The following CGNL1 variants were observed in gnomAD, a reference collection of about 807,000 sequenced individuals.
CGNL1 encodes cingulin like 1, also known as cingulin-like protein 1.
A neutral mutation model predicts 141.2 loss-of-function variants in CGNL1; 132 were observed. The ratio of observed to expected loss-of-function variants is 0.93; its 90% CI spans 0.81 to 1.08. The LOEUF (loss-of-function observed/expected upper bound fraction) is 1.08. CGNL1 is among the 50% of genes least tolerant of loss of function. The pLI is 0.00. For synonymous variants in CGNL1, 690 were observed against 622.1 expected, an observed-to-expected ratio of 1.11 and a Z score of -1.63; for missense variants, 1,870 against 1,588.6, an observed-to-expected ratio of 1.18 and a Z score of -3.01.
Position 57,516,990 on chromosome 15 carries a change from A to T in CGNL1, c.2610+4A>T. 1 of 1,611,884 alleles carries T rather than the reference A, an allele frequency of 6.2e-7. No homozygotes were observed. The highest frequency in any genetic ancestry group is 8.5e-7 in the Non-Finnish European group (1 of 1,179,204). On this transcript the variant is annotated splice_donor_region_variant and intron_variant, in intron 9 of 18. Coordinates refer to ENST00000281282, the MANE Select transcript of CGNL1 (RefSeq NM_032866.5). ...GGAAACGCTGAAGAAGTACGAGGTG[A>T]GGCTCGCTGGGCCCAGGCCCAGCTT...
intron 4 of CGNL1, among the ~76,000 whole-genome samples, chr15:57,447,650 G>C (rs943385672): frequency 1.6e-4 from 24 of 152,124 alleles, no homozygotes; most frequent in African/African-American, 4.6e-4. Context: ...GACTTGATAG[G>C]TTCATCAGAT....
intron 1 of CGNL1, among the ~76,000 whole-genome samples, chr15:57,409,425 A>C (rs528542230): frequency 6.6e-6 from 1 of 152,370 alleles, no homozygotes; most frequent in African/African-American, 2.4e-5. Flanking sequence ...CAAATTTGAA[A>C]AGATGACGGT....
chr15:57,470,569 C>T lies in CGNL1; in HGVS notation c.2403+8677C>T, dbSNP rs548815412. On this transcript the variant is annotated intron_variant, in intron 8 of 18. Coordinates refer to ENST00000281282, the MANE Select transcript of CGNL1 (RefSeq NM_032866.5). The stretch of plus-strand genomic sequence containing the variant: ...CACTCCTGGTGTTTTACCTGAGCTG[C>T]CTAGAGTCACTTGCTGTGGGTTAGG... 1.5e-4 allele frequency among the ~76,000 whole-genome samples: 23 copies of T among 152,200 alleles called. No individual in the cohort carries two copies. The South Asian group carries it at 4.8e-3, about 32-fold the overall frequency.
intron 14 of CGNL1, among the ~76,000 whole-genome samples, chr15:57,541,446 T>G (rs1261448315): frequency 3.9e-5 from 6 of 152,340 alleles, no homozygotes; most frequent in Non-Finnish European, 8.8e-5. Flanking sequence ...CCCTTGCACT[T>G]TGTGCTGGGG....
intron 8 of CGNL1, among the ~76,000 whole-genome samples, chr15:57,493,774 G>T (rs1298903258): frequency 2.0e-5 from 3 of 152,198 alleles, no homozygotes; most frequent in Non-Finnish European, 4.4e-5. Context: ...CATATTCTCA[G>T]ATTCGATGCT....
chr15:57,500,485 A>G (rs1330515067), intron 8 of CGNL1, among the ~76,000 whole-genome samples: 1 of 152,240 alleles, frequency 6.6e-6, no homozygotes, highest in African/African-American at 2.4e-5. Context: ...GCTCATCTGG[A>G]AAATGAGAGG....
At chr15:57,413,890 G>C (rs776693775) in intron 1 of CGNL1, among the ~76,000 whole-genome samples, 2 of 152,158 alleles carry the variant, frequency 1.3e-5, no homozygotes, top group African/African-American at 2.4e-5. Flanking sequence ...GGAACATTCT[G>C]TGGCTCTTTC....
At chr15:57,387,793 A>G (rs543489404) in intron 1 of CGNL1, among the ~76,000 whole-genome samples, 1 of 152,216 alleles carries the variant, frequency 6.6e-6, no homozygotes, top group Non-Finnish European at 1.5e-5. Context: ...GGAGCTGTGG[A>G]GTGAGTGATC....
intron 1 of CGNL1, among the ~76,000 whole-genome samples, chr15:57,435,407 GT>G (rs1249529527): frequency 1.0e-5 from 1 of 96,864 alleles, no homozygotes; most frequent in African/African-American, 3.7e-5. Flanking sequence ...AAATTTGCAG[GT>G]TTTTTTGTTT....
At chr15:57,426,038 C>T (rs987788136) in intron 1 of CGNL1, among the ~76,000 whole-genome samples, 6 of 152,216 alleles carry the variant, frequency 3.9e-5, no homozygotes, top group East Asian at 1.9e-4. Context: ...CCCCCTCCCC[C>T]GCCACAATTC....
chr15:57,399,958 C>T (rs1331168206), intron 1 of CGNL1, among the ~76,000 whole-genome samples: 2 of 151,536 alleles, frequency 1.3e-5, no homozygotes, highest in African/African-American at 2.4e-5. Context: ...CTCCTTGTTC[C>T]TACCCTAAAT....
intron 14 of CGNL1, among the ~76,000 whole-genome samples, chr15:57,539,717 G>A (rs2032457974): frequency 6.6e-6 from 1 of 152,182 alleles, no homozygotes; most frequent in South Asian, 2.1e-4. Flanking sequence ...TGCCTTTTGG[G>A]ATAGATCCTG....
rs760789492 is a variant in CGNL1, at chr15:57,512,442, C to G, written c.2404-4338C>G. On this transcript the variant is annotated intron_variant, in intron 8 of 18. Transcript: ENST00000281282. ...TTTTGGGAAGATTTGCTAACATAGGCTCATGTTAAATTATTTGTAAGCATA... is the reference window on the plus strand; with the variant it reads ...TTTTGGGAAGATTTGCTAACATAGGGTCATGTTAAATTATTTGTAAGCATA... 3.9e-5 allele frequency among the ~76,000 whole-genome samples: 6 copies of G among 152,116 alleles called. No individual in the cohort carries two copies. In the East Asian group the frequency reaches 1.2e-3, roughly 29 times the overall value.
At chr15:57,468,228 C>CTTTTTTTTTTT (rs2063534240) in intron 8 of CGNL1, among the ~76,000 whole-genome samples, 2 of 64,820 alleles carry the variant, frequency 3.1e-5, no homozygotes, top group African/African-American at 1.0e-4. Context: ...CTTTTCTTTT[C>CTTTTTTTTTTT]TTTTTCTTTT....
intron 9 of CGNL1, among the ~76,000 whole-genome samples, 170 bp from the exon 10 acceptor site, chr15:57,518,223 G>T (rs536427956): frequency 6.6e-6 from 1 of 152,166 alleles, no homozygotes; most frequent in Non-Finnish European, 1.5e-5. Context: ...ATAAACACAC[G>T]CATCCAAGAA....
At chr15:57,528,411 A>G (rs1176603534) in intron 12 of CGNL1, among the ~76,000 whole-genome samples, 2 of 152,204 alleles carry the variant, frequency 1.3e-5, no homozygotes, top group Admixed American at 6.5e-5. Flanking sequence ...ATGCTGGTCA[A>G]TATCTACCAA....
At chr15:57,488,354 T>C (rs1338484174) in intron 8 of CGNL1, among the ~76,000 whole-genome samples, 3 of 152,220 alleles carry the variant, frequency 2.0e-5, no homozygotes, top group Admixed American at 2.0e-4. Flanking sequence ...GATTGTCTTT[T>C]CACTTTTTAA....
intron 8 of CGNL1, among the ~76,000 whole-genome samples, chr15:57,496,500 A>G (rs144723409): frequency 6.6e-6 from 1 of 152,188 alleles, no homozygotes; most frequent in Non-Finnish European, 1.5e-5. Context: ...TTAGTCCTGA[A>G]ACCATCCCTC....
At chr15:57,524,884 C>G in intron 12 of CGNL1, 133 bp downstream of exon 12, 1 of 902,492 alleles carries the variant, frequency 1.1e-6, no homozygotes, top group South Asian at 1.8e-5. Flanking sequence ...TCTTCACCTT[C>G]TGGATGGGTT....
Sources: gnomAD v4.1 joint callset for allele counts (sites outside exome capture counted in the v4.1 genomes callset) on GRCh38, gnomAD v4.1.1 for gene constraint, MANE v1.5 for transcripts, NCBI Gene and HGNC (gene_info 2026-07-23, HGNC 2026-07-21) for gene names.